FBXO8: variants seen among roughly 807,000 people sequenced by gnomAD.
The protein encoded by FBXO8 is F-box protein 8.
FBXO8 carries 15 observed loss-of-function variants against 33.4 expected under a neutral mutation model. The observed-to-expected ratio is 0.45, with a 90% CI of 0.30 to 0.69. FBXO8 has a LOEUF of 0.69. FBXO8 is among the 30% of genes least tolerant of loss of function. The pLI, the probability that FBXO8 is intolerant of heterozygous loss-of-function variation, is 0.08. For synonymous variants in FBXO8, 132 were observed against 131.5 expected, an observed-to-expected ratio of 1.00 and a Z score of -0.02; for missense variants, 274 against 380.3, an observed-to-expected ratio of 0.72 and a Z score of 2.32.
chr4:174,260,198 A>T (rs778438280), intron 2 of FBXO8, among the ~76,000 whole-genome samples: 3 of 152,028 alleles, frequency 2.0e-5, no homozygotes, highest in Non-Finnish European at 4.4e-5. Context: ...TCTTCACAAC[A>T]ATCCTATGAC....
chr4:174,237,283 A>C lies in FBXO8; in HGVS notation c.*129T>G. On this transcript the variant is annotated 3_prime_UTR_variant, in exon 6 of 6. Coordinates refer to ENST00000393674, the MANE Select transcript of FBXO8 (RefSeq NM_012180.3). This position sits in a 1 kb window ranked among gnomAD's most constrained non-coding sequence, Gnocchi z 4.4. ...AAATAGAAAATGGCAAAAGAAAAAA[A>C]GGTTGCACACTGAAGCTTGATTGTA... The C allele has an allele frequency of 1.5e-6, 1 of 667,626 alleles. No individual in the cohort carries two copies. Among genetic ancestry groups the C allele is most frequent in the Non-Finnish European group, 2.4e-6 (1 of 419,472 alleles). The allele number at this position is 667,626 out of a possible 1,614,324, so 41.4% of individuals were successfully genotyped here.
chr4:174,268,379 G>A lies in FBXO8; in HGVS notation c.-8-5279C>T, dbSNP rs140974057. On this transcript the variant is annotated intron_variant, in intron 1 of 5. Coordinates refer to ENST00000393674, the MANE Select transcript of FBXO8 (RefSeq NM_012180.3). ...TTTTATCCATAAGGCACAACACTTA[G>A]GAAAACTAGATAACGCTTCTGCACT... is the stretch of plus-strand genomic sequence containing the variant. Among the ~76,000 whole-genome samples, 240 of 152,230 alleles carry A rather than the reference G, an allele frequency of 1.6e-3. 1 individual carries two copies. Among genetic ancestry groups the A allele is most frequent in the African/African-American group, 5.5e-3 (230 of 41,526 alleles).
intron 1 of FBXO8, among the ~76,000 whole-genome samples, chr4:174,269,557 C>T (rs933228848): frequency 6.6e-5 from 10 of 151,730 alleles, no homozygotes; most frequent in Non-Finnish European, 1.2e-4. Context: ...TTGTGGTGCA[C>T]GCCCGTAATC....
intron 5 of FBXO8, among the ~76,000 whole-genome samples, chr4:174,238,379 A>G (rs1010165559): frequency 9.9e-5 from 15 of 151,938 alleles, no homozygotes; most frequent in Non-Finnish European, 1.8e-4. Context: ...TGTCTTGTAA[A>G]GCATGCTCAA....
At chr4:174,279,063 C>CA (rs1401915240) in intron 1 of FBXO8, among the ~76,000 whole-genome samples, 3 of 150,954 alleles carry the variant, frequency 2.0e-5, no homozygotes, top group Non-Finnish European at 3.0e-5. Context: ...AGTAATTAGA[C>CA]AAGAAAAAAA....
rs187781484 is a variant in FBXO8, at chr4:174,279,207, C to T, written c.-9+4203G>A. ...ATAAAGTCAAGACACAGAAATAAGT[C>T]GTATTTCTATACATTTACAATAAAC... On this transcript the variant is annotated intron_variant, in intron 1 of 5. Transcript: ENST00000393674. 2.5e-3 allele frequency among the ~76,000 whole-genome samples: 377 copies of T among 151,966 alleles called. 1 individual carries two copies. The highest frequency in any genetic ancestry group is 3.4e-3 in the Middle Eastern group (1 of 294).
At position 174,243,630 on chromosome 4, in the gene FBXO8, A is replaced by G. The variant is rs370831419; in HGVS notation, c.457-2412T>C. Among the ~76,000 whole-genome samples the G allele has an allele frequency of 1.2e-4, 18 of 151,038 alleles. 1 individual carries two copies. In the East Asian group the frequency reaches 2.3e-3, roughly 20 times the overall value. On this transcript the variant is annotated intron_variant, in intron 3 of 5. Transcript: ENST00000393674. ...ACAGCATGAGGTCTGTTGAATAACTACATATTTGTTTAGTAAGTGGTATAA... is the reference window on the plus strand; with the variant it reads ...ACAGCATGAGGTCTGTTGAATAACTGCATATTTGTTTAGTAAGTGGTATAA...
In FBXO8 at chr4:174,237,328, A is replaced by G; in HGVS notation, c.*84T>C. 2.7e-6 allele frequency: 3 copies of G among 1,111,918 alleles called. No individual in the cohort carries two copies. The highest frequency in any genetic ancestry group is 3.9e-6 in the Non-Finnish European group (3 of 771,878). The allele number at this position is 1,111,918 out of a possible 1,614,324, so 68.9% of individuals were successfully genotyped here. On this transcript the variant is annotated 3_prime_UTR_variant, in exon 6 of 6. Transcript: ENST00000393674. The surrounding 1 kb of genome is among the most constrained non-coding windows in gnomAD (Gnocchi z 4.4). ...ATTGTATACTCAGGCTACAATGACC[A>G]GCACTGATGTAACCCCCATATCTGC...
In FBXO8 at chr4:174,257,755, A is replaced by G. The variant is rs1736449508; in HGVS notation, c.456+1944T>C. ...TCTGGGGCTACATATCTTTATTATGATTATGATTATTATCATTGAGACAGA... is the reference window on the plus strand; with the variant it reads ...TCTGGGGCTACATATCTTTATTATGGTTATGATTATTATCATTGAGACAGA... On this transcript the variant is annotated intron_variant, in intron 3 of 5. Transcript: ENST00000393674. This position sits in a 1 kb window ranked among gnomAD's most constrained non-coding sequence, Gnocchi z 4.3. 6.6e-6 allele frequency among the ~76,000 whole-genome samples: 1 copy of G among 152,080 alleles called. No individual in the cohort carries two copies. The highest frequency in any genetic ancestry group is 1.5e-5 in the Non-Finnish European group (1 of 68,006).
Position 174,253,463 on chromosome 4 carries a change from TACCA to T in FBXO8, c.456+6232_456+6235del, listed in dbSNP as rs1006929651. ...AAACTGGCAAGAAGGTAGGGTCAGCTACCAACCAAATTGTTGTGCCACAGGTGCC... is the reference window on the plus strand; with the variant it reads ...AAACTGGCAAGAAGGTAGGGTCAGCTACCAAATTGTTGTGCCACAGGTGCC... On this transcript the variant is annotated intron_variant, in intron 3 of 5. Transcript: ENST00000393674. This position sits in a 1 kb window ranked among gnomAD's most constrained non-coding sequence, Gnocchi z 4.5. 6.6e-6 allele frequency among the ~76,000 whole-genome samples: 1 copy of T among 152,188 alleles called. No individual in the cohort carries two copies. Among genetic ancestry groups the T allele is most frequent in the African/African-American group, 2.4e-5 (1 of 41,450 alleles).
Position 174,268,393 on chromosome 4 carries a change from C to T in FBXO8, c.-8-5293G>A, listed in dbSNP as rs933681944. On this transcript the variant is annotated intron_variant, in intron 1 of 5. Transcript: ENST00000393674. ...CACAACACTTAGGAAAACTAGATAA[C>T]GCTTCTGCACTAGGCTTGGGGGCCA... 2.0e-5 allele frequency among the ~76,000 whole-genome samples: 3 copies of T among 152,094 alleles called. No individual in the cohort carries two copies. The East Asian group carries it at 5.8e-4, about 29-fold the overall frequency.
chr4:174,264,683 G>A (rs753701984), intron 1 of FBXO8, among the ~76,000 whole-genome samples: 43 of 151,710 alleles, frequency 2.8e-4, no homozygotes, highest in Non-Finnish European at 4.1e-4. Context: ...TAAAATGTAG[G>A]CACATTTGTT....
At position 174,261,769 on chromosome 4, in the gene FBXO8, T is replaced by C. The variant is rs1005338173; in HGVS notation, c.329+995A>G. Among the ~76,000 whole-genome samples the C allele has an allele frequency of 5.9e-5, 9 of 152,054 alleles. No individual in the cohort carries two copies. The highest frequency in any genetic ancestry group is 1.9e-4 in the African/African-American group (8 of 41,444). On this transcript the variant is annotated intron_variant, in intron 2 of 5. Transcript: ENST00000393674. The surrounding 1 kb of genome is among the most constrained non-coding windows in gnomAD (Gnocchi z 4.1). ...GACATCAGAAAGCCTAATTTAGGAA[T>C]GTCATTACTGAAAATATATTTTGAC...
At position 174,278,402 on chromosome 4, in the gene FBXO8, T is replaced by C. The variant is rs1286262549; in HGVS notation, c.-9+5008A>G. Among the ~76,000 whole-genome samples the C allele has an allele frequency of 6.6e-6, 1 of 152,048 alleles. No homozygotes were observed. The highest frequency in any genetic ancestry group is 2.4e-5 in the African/African-American group (1 of 41,424). ...TTTTTTTCCTGTTAATTTTATTCTA[T>C]AAAAAGTGTTACCAAAATGGCAACT... is the stretch of plus-strand genomic sequence containing the variant. On this transcript the variant is annotated intron_variant, in intron 1 of 5. Transcript: ENST00000393674. The surrounding 1 kb of genome is among the most constrained non-coding windows in gnomAD (Gnocchi z 4.1).
At chr4:174,249,038 T>C (rs1736228233) in intron 3 of FBXO8, among the ~76,000 whole-genome samples, 1 of 151,980 alleles carries the variant, frequency 6.6e-6, no homozygotes, top group African/African-American at 2.4e-5. Flanking sequence ...TGAACCTAAT[T>C]TTCTAAAGTT....
chr4:174,250,087 CATGTTTA>C (rs1736252610), intron 3 of FBXO8, among the ~76,000 whole-genome samples: 1 of 151,930 alleles, frequency 6.6e-6, no homozygotes, highest in Non-Finnish European at 1.5e-5. Context: ...CACTTAGAGG[CATGTTTA>C]ACATGTCTTA....
chr4:174,240,038 T>G (rs1384872376), intron 4 of FBXO8, among the ~76,000 whole-genome samples: 3 of 150,984 alleles, frequency 2.0e-5, no homozygotes, highest in Non-Finnish European at 3.0e-5. Flanking sequence ...ACATCCACAC[T>G]ACTTTATGTA....
At chr4:174,264,876 A>T (rs1736656156) in intron 1 of FBXO8, among the ~76,000 whole-genome samples, 1 of 152,068 alleles carries the variant, frequency 6.6e-6, no homozygotes, top group East Asian at 1.9e-4. Context: ...CACATATATG[A>T]TAAAAAGACT....
chr4:174,255,616 C>G lies in FBXO8; in HGVS notation c.456+4083G>C, dbSNP rs1004454164. Among the ~76,000 whole-genome samples the G allele has an allele frequency of 4.0e-5, 6 of 151,298 alleles. No individual in the cohort carries two copies. Among genetic ancestry groups the G allele is most frequent in the African/African-American group, 1.5e-4 (6 of 41,200 alleles). On this transcript the variant is annotated intron_variant, in intron 3 of 5. Transcript: ENST00000393674. This position sits in a 1 kb window ranked among gnomAD's most constrained non-coding sequence, Gnocchi z 4.3. ...AAAAAAAAAAACTTGTTATCTGACC[C>G]CAATGAGGATATTTAAAACAAAAAC...
Sources: gnomAD v4.1 joint callset for allele counts (sites outside exome capture counted in the v4.1 genomes callset) on GRCh38, gnomAD v4.1.1 for gene constraint, Gnocchi (gnomAD v3.1) non-coding constraint, MANE v1.5 for transcripts, NCBI Gene and HGNC (gene_info 2026-07-23, HGNC 2026-07-21) for gene names.